Variants in SOX6 observed in about 807,000 individuals in gnomAD.
The protein encoded by SOX6 is SRY-box transcription factor 6, also known as transcription factor SOX-6.
SOX6 carries 11 observed loss-of-function variants against 97.8 expected under a neutral mutation model. The observed-to-expected ratio is 0.11, with a 90% CI of 0.07 to 0.19. SOX6 has a LOEUF of 0.19. Ranked by LOEUF, SOX6 falls within the 10% of genes least tolerant of loss-of-function variation. The pLI, the probability that SOX6 is intolerant of heterozygous loss-of-function variation, is 1.00. For missense variants in SOX6, 810 were observed against 1,039.5 expected, an observed-to-expected ratio of 0.78 and a Z score of 3.04; for synonymous variants, 360 against 371.4, an observed-to-expected ratio of 0.97 and a Z score of 0.35.
chr11:16,111,274 G>GT (rs1176314549), intron 7 of SOX6, among the ~76,000 whole-genome samples: 2 of 152,114 alleles, frequency 1.3e-5, no homozygotes, highest in Non-Finnish European at 2.9e-5. Context: ...TACATGACCT[G>GT]TTTTTTGAGG....
At chr11:16,657,816 A>T (rs1004230839) in intron 3 of SOX6, among the ~76,000 whole-genome samples, 4 of 151,976 alleles carry the variant, frequency 2.6e-5, no homozygotes, top group African/African-American at 9.7e-5. Context: ...CCATTTTTTA[A>T]TTGGGCTGTT....
chr11:15,982,792 C>G (rs928699886), intron 15 of SOX6, among the ~76,000 whole-genome samples: 1 of 151,888 alleles, frequency 6.6e-6, no homozygotes, highest in Non-Finnish European at 1.5e-5. Flanking sequence ...TTTTGATCCA[C>G]AATTGGTTGA....
At chr11:16,498,251 C>A (rs1860641923) in intron 4 of SOX6, among the ~76,000 whole-genome samples, 1 of 152,006 alleles carries the variant, frequency 6.6e-6, no homozygotes, top group Non-Finnish European at 1.5e-5. Context: ...TACAGAGAAG[C>A]AAATGCTGAG....
At chr11:16,178,183 A>G (rs1264089906) in intron 6 of SOX6, among the ~76,000 whole-genome samples, 1 of 151,966 alleles carries the variant, frequency 6.6e-6, no homozygotes, top group African/African-American at 2.4e-5. Flanking sequence ...ACTATAACAA[A>G]CAGTCTAGCA....
At chr11:16,662,959 G>A (rs1234481750) in intron 3 of SOX6, among the ~76,000 whole-genome samples, 1 of 151,568 alleles carries the variant, frequency 6.6e-6, no homozygotes, top group Non-Finnish European at 1.5e-5. Context: ...CCAAAGTTTT[G>A]GGATTATACG....
intron 9 of SOX6, among the ~76,000 whole-genome samples, chr11:16,081,086 C>G (rs1046558274): frequency 6.6e-6 from 1 of 152,054 alleles, no homozygotes; most frequent in South Asian, 2.1e-4. Flanking sequence ...AAGATCCCAT[C>G]TCTAAAAAAA....
chr11:16,568,864 C>T (rs541274214), intron 4 of SOX6, among the ~76,000 whole-genome samples: 12 of 152,276 alleles, frequency 7.9e-5, no homozygotes, highest in African/African-American at 2.6e-4. Flanking sequence ...TTCACTTCTA[C>T]CTTTCTTCCT....
intron 15 of SOX6, among the ~76,000 whole-genome samples, chr11:15,977,144 T>C (rs1415916299): frequency 6.6e-6 from 1 of 152,094 alleles, no homozygotes; most frequent in Non-Finnish European, 1.5e-5. Flanking sequence ...TCCTTAAAGA[T>C]GTTAGCTCCT....
At chr11:16,701,336 T>C (rs1848091653) in intron 3 of SOX6, among the ~76,000 whole-genome samples, 1 of 152,190 alleles carries the variant, frequency 6.6e-6, no homozygotes, top group South Asian at 2.1e-4. Context: ...CATTTATTCT[T>C]ATCTTAAAGG....
intron 15 of SOX6, among the ~76,000 whole-genome samples, chr11:15,977,823 A>T (rs1322481450): frequency 6.6e-6 from 1 of 151,858 alleles, no homozygotes; most frequent in Non-Finnish European, 1.5e-5. Context: ...CTACCTTCTT[A>T]ACTTTCCTCA....
At chr11:16,397,296 T>C (rs575139888) in intron 1 of SOX6, among the ~76,000 whole-genome samples, 1 of 151,586 alleles carries the variant, frequency 6.6e-6, no homozygotes, top group Non-Finnish European at 1.5e-5. Context: ...TGTCTACCAA[T>C]AGCATGTATA....
At chr11:16,367,383 G>C (rs988921636) in intron 1 of SOX6, among the ~76,000 whole-genome samples, 3 of 152,126 alleles carry the variant, frequency 2.0e-5, no homozygotes, top group Non-Finnish European at 4.4e-5. Context: ...CTAGATTTAT[G>C]ATAGGCTAGA....
chr11:16,008,189 C>A (rs934840089), intron 13 of SOX6, among the ~76,000 whole-genome samples: 4 of 151,936 alleles, frequency 2.6e-5, no homozygotes, highest in African/African-American at 9.7e-5. Flanking sequence ...AGGAAATAAT[C>A]ACATGGAAAA....
At chr11:16,509,240 T>C (rs930758274) in intron 4 of SOX6, among the ~76,000 whole-genome samples, 5 of 151,898 alleles carry the variant, frequency 3.3e-5, no homozygotes, top group Non-Finnish European at 7.4e-5. Flanking sequence ...ATTTCAGAAA[T>C]AAATTTCAGA....
At chr11:16,503,578 GA>G (rs1451425538) in intron 4 of SOX6, among the ~76,000 whole-genome samples, 20 of 152,272 alleles carry the variant, frequency 1.3e-4, no homozygotes, top group African/African-American at 4.6e-4. Context: ...CAGAGCGACT[GA>G]AAGTAAAGGA....
chr11:16,367,571 T>C (rs1457363014), intron 1 of SOX6, among the ~76,000 whole-genome samples: 3 of 152,152 alleles, frequency 2.0e-5, no homozygotes, highest in Non-Finnish European at 4.4e-5. Context: ...AGAAAGAGAA[T>C]AGCCCAGTGA....
intron 6 of SOX6, among the ~76,000 whole-genome samples, chr11:16,181,244 GA>G (rs1023720970): frequency 1.1e-4 from 16 of 149,902 alleles, no homozygotes; most frequent in South Asian, 2.1e-4. Context: ...GATATAAAAA[GA>G]AAAAAAAAGT....
chr11:16,230,131 T>C (rs960308699), intron 4 of SOX6, among the ~76,000 whole-genome samples: 1 of 151,852 alleles, frequency 6.6e-6, no homozygotes, highest in African/African-American at 2.4e-5. Context: ...GTTATTTTAA[T>C]AGACCAAACT....
chr11:16,345,301 C>T lies in SOX6; in HGVS notation c.-4-4049G>A, dbSNP rs190966378. Among the ~76,000 whole-genome samples the T allele has an allele frequency of 4.1e-3, 616 of 152,010 alleles. 6 individuals carry two copies. Among genetic ancestry groups the T allele is most frequent in the African/African-American group, 0.014 (594 of 41,516 alleles). On this transcript the variant is annotated intron_variant, in intron 1 of 15. Coordinates refer to ENST00000683767, the MANE Select transcript of SOX6 (RefSeq NM_001367873.1). ...GGGGCATAACTATTATCAAGTAAAA[C>T]CTTCAAAGAGAATTATATATCTTTG... is the stretch of plus-strand genomic sequence containing the variant.
Sources: gnomAD v4.1 joint callset for allele counts (sites outside exome capture counted in the v4.1 genomes callset) on GRCh38, gnomAD v4.1.1 for gene constraint, MANE v1.5 for transcripts, NCBI Gene and HGNC (gene_info 2026-07-23, HGNC 2026-07-21) for gene names.